The following HMGN5 variants were observed in gnomAD, a reference collection of about 807,000 sequenced individuals.
HMGN5 encodes high mobility group nucleosome-binding domain-containing protein 5.
HMGN5 carries 4 observed loss-of-function variants against 9.5 expected under a neutral mutation model. That is an observed-to-expected ratio of 0.42 (90% CI 0.21 to 0.96). HMGN5 has a LOEUF of 0.96. HMGN5 is among the 40% of genes least tolerant of loss of function. The pLI is 0.30. For synonymous variants in HMGN5, 55 were observed against 57.1 expected (o/e 0.96, Z 0.16); for missense variants, 192 against 187.5 (o/e 1.02, Z -0.14).
At chrX:81,199,710 C>T (rs752173315) in intron 1 of HMGN5, among the ~76,000 whole-genome samples, 2 of 111,795 alleles carry the variant, frequency 1.8e-5, no homozygotes, top group African/African-American at 3.3e-5. Flanking sequence ...TTCCTTACAC[C>T]GTATACAAAA....
At chrX:81,188,274 A>ATTATTATTG (rs1366998624) in intron 1 of HMGN5, among the ~76,000 whole-genome samples, 3 of 99,444 alleles carry the variant, frequency 3.0e-5, no homozygotes, top group Non-Finnish European at 6.0e-5. Flanking sequence ...TATTATTATT[A>ATTATTATTG]TTATTATTAT....
At chrX:81,176,314 C>A (rs774558808) in intron 1 of HMGN5, among the ~76,000 whole-genome samples, 109 of 111,977 alleles carry the variant, frequency 9.7e-4, no homozygotes, top group African/African-American at 2.9e-3. Context: ...GCTAAAACCA[C>A]AAAGATAGGG....
At chrX:81,133,173 G>T (rs1217277605) in intron 1 of HMGN5, among the ~76,000 whole-genome samples, 2 of 110,767 alleles carry the variant, frequency 1.8e-5, no homozygotes, top group African/African-American at 6.6e-5. Context: ...ACACCAGTCA[G>T]AATAACAATT....
intron 1 of HMGN5, among the ~76,000 whole-genome samples, chrX:81,181,517 G>C (rs1210365929): frequency 9.0e-6 from 1 of 111,429 alleles, no homozygotes; most frequent in Non-Finnish European, 1.9e-5. Context: ...TAGTCACACT[G>C]TTGTGCTAGC....
chrX:81,151,871 A>G (rs1242971508), intron 1 of HMGN5, among the ~76,000 whole-genome samples: 19 of 111,216 alleles, frequency 1.7e-4, no homozygotes, highest in Non-Finnish European at 2.1e-4. Flanking sequence ...GGTTTTCTAG[A>G]TATACAATCA....
intron 1 of HMGN5, among the ~76,000 whole-genome samples, chrX:81,168,987 C>G (rs2075418407): frequency 9.0e-6 from 1 of 111,050 alleles, no homozygotes; most frequent in Admixed American, 9.6e-5. Flanking sequence ...GTAAGGGAGT[C>G]TGCCTACCCA....
intron 1 of HMGN5, among the ~76,000 whole-genome samples, chrX:81,137,128 G>A (rs1258984049): frequency 9.0e-6 from 1 of 111,305 alleles, no homozygotes; most frequent in Non-Finnish European, 1.9e-5. Context: ...TTGTGGATCT[G>A]TATAGTTGGG....
intron 1 of HMGN5, among the ~76,000 whole-genome samples, chrX:81,182,091 A>G (rs1303894789): frequency 1.8e-5 from 2 of 111,657 alleles, no homozygotes; most frequent in Non-Finnish European, 3.8e-5. Context: ...CCGTTTCTCC[A>G]CATCCTTGCC....
intron 1 of HMGN5, among the ~76,000 whole-genome samples, chrX:81,198,802 C>T (rs2075516505): frequency 1.8e-5 from 2 of 111,776 alleles, no homozygotes; most frequent in Non-Finnish European, 3.8e-5. Flanking sequence ...GAAGCATTCC[C>T]TTTGAAAACT....
chrX:81,154,564 C>G (rs2075377720), intron 1 of HMGN5, among the ~76,000 whole-genome samples: 1 of 110,979 alleles, frequency 9.0e-6, no homozygotes, highest in Admixed American at 9.7e-5. Flanking sequence ...AAACAATCAA[C>G]AAAGTAAACA....
intron 1 of HMGN5, among the ~76,000 whole-genome samples, chrX:81,143,726 T>A (rs2075335609): frequency 8.9e-6 from 1 of 112,327 alleles, no homozygotes; most frequent in South Asian, 3.6e-4. Flanking sequence ...CCCACTCCCA[T>A]GGAGCAGAGC....
intron 1 of HMGN5, among the ~76,000 whole-genome samples, chrX:81,152,151 A>T (rs1279511051): frequency 8.9e-6 from 1 of 111,887 alleles, no homozygotes; most frequent in East Asian, 2.8e-4. Flanking sequence ...AATGGGATCT[A>T]ATTAAACTAA....
intron 1 of HMGN5, among the ~76,000 whole-genome samples, chrX:81,200,596 C>G (rs2075523185): frequency 9.0e-6 from 1 of 111,624 alleles, no homozygotes; most frequent in Admixed American, 9.5e-5. Flanking sequence ...TCTAAGCAAA[C>G]TATCACAAGG....
At chrX:81,167,797 G>A (rs2075415208) in intron 1 of HMGN5, among the ~76,000 whole-genome samples, 2 of 111,998 alleles carry the variant, frequency 1.8e-5, no homozygotes, top group African/African-American at 6.5e-5. Flanking sequence ...CAGAGGATAT[G>A]AGCAGGTACT....
intron 1 of HMGN5, among the ~76,000 whole-genome samples, chrX:81,191,898 C>T (rs1344521824): frequency 9.0e-6 from 1 of 111,433 alleles, no homozygotes; most frequent in Non-Finnish European, 1.9e-5. Context: ...TATCCAGTTG[C>T]TCTGTGTTTG....
rs60170251 is a variant in HMGN5 at position 81,121,676 on chromosome X, GA to G, written c.-123-5del. 25,182 of 277,808 alleles carry G rather than the reference GA, an allele frequency of 0.091. 58 individuals carry two copies. Among genetic ancestry groups the G allele is most frequent in the East Asian group, 0.099 (1,349 of 13,675 alleles). 22.9% of individuals were successfully genotyped at this position (277,808 alleles called of 1,213,427 possible). On this transcript the variant is annotated splice_region_variant and splice_polypyrimidine_tract_variant and intron_variant, in intron 1 of 6. Transcript: ENST00000358130. ...GCAGCACGACCTGTACTCTCCTCTG[GA>G]AAAAAAAAAAATCCCTCGTTATTGG... is the stretch of plus-strand genomic sequence containing the variant.
At chrX:81,162,362 G>GA (rs199803467) in intron 1 of HMGN5, among the ~76,000 whole-genome samples, 1,393 of 57,314 alleles carry the variant, frequency 0.024, 23 homozygotes, top group African/African-American at 0.058. Context: ...AAAACAAACT[G>GA]AAAAAAAAAA....
At chrX:81,176,809 G>C (rs1008699142) in intron 1 of HMGN5, among the ~76,000 whole-genome samples, 2 of 111,745 alleles carry the variant, frequency 1.8e-5, no homozygotes, top group Admixed American at 1.9e-4. Flanking sequence ...CATTTGATTG[G>C]TGTACCTGAA....
At chrX:81,148,685 C>A (rs1037005876) in intron 1 of HMGN5, among the ~76,000 whole-genome samples, 1 of 111,153 alleles carries the variant, frequency 9.0e-6, no homozygotes, top group African/African-American at 3.3e-5. Context: ...ACCATTAGAG[C>A]GAACAGGCAG....
Sources: gnomAD v4.1 joint callset for allele counts (sites outside exome capture counted in the v4.1 genomes callset) on GRCh38, gnomAD v4.1.1 for gene constraint, MANE v1.5 for transcripts, NCBI Gene and HGNC (gene_info 2026-07-23, HGNC 2026-07-21) for gene names.